IFT52: variants seen among roughly 807,000 people sequenced by gnomAD.
IFT52 encodes intraflagellar transport protein 52 homolog.
In IFT52, 44 loss-of-function variants were observed where a neutral mutation model predicts 54.4. The ratio of observed to expected loss-of-function variants is 0.81; its 90% CI spans 0.63 to 1.04. IFT52 has a LOEUF of 1.04. Ranked by LOEUF, IFT52 falls within the 50% of genes least tolerant of loss-of-function variation. The pLI, the probability that IFT52 is intolerant of heterozygous loss-of-function variation, is 0.00. For synonymous variants in IFT52, 181 were observed against 185.3 expected, an observed-to-expected ratio of 0.98 and a Z score of 0.19; for missense variants, 452 against 523.6, an observed-to-expected ratio of 0.86 and a Z score of 1.33.
chr20:43,619,286 G>A (rs1984091240), intron 8 of IFT52, among the ~76,000 whole-genome samples: 1 of 152,278 alleles, frequency 6.6e-6, no homozygotes, highest in East Asian at 1.9e-4. Context: ...TGGGAGCTGA[G>A]CCTGGAGAAG....
rs10523117 is a variant in IFT52, at chr20:43,641,030, CAAAAAA to C, written c.1121-1430_1121-1425del. ...TGGGTGATAGAGCCAAACCTTGTCT[CAAAAAA>C]AAAAAAAAAAAAAAAAAAGGAAGAA... On this transcript the variant is annotated intron_variant, in intron 12 of 13. Coordinates refer to ENST00000373030, the MANE Select transcript of IFT52 (RefSeq NM_016004.5). Among the ~76,000 whole-genome samples, 348 of 90,360 alleles carry C rather than the reference CAAAAAA, an allele frequency of 3.9e-3. 2 individuals carry two copies. The highest frequency in any genetic ancestry group is 0.011 in the Middle Eastern group (2 of 186). The allele number at this position is 90,360 out of a possible 152,430, so 59.3% of individuals were successfully genotyped here. A position where few individuals can be genotyped will look rare whatever the true frequency, so the allele number is the denominator to read the frequency against.
chr20:43,622,510 G>T (rs1984379901), intron 9 of IFT52, among the ~76,000 whole-genome samples: 1 of 151,744 alleles, frequency 6.6e-6, no homozygotes, highest in African/African-American at 2.4e-5. Context: ...GGCTGAGGCG[G>T]GAGAATGGCA....
chr20:43,596,553 G>C (rs999986204), intron 3 of IFT52, 31 bp downstream of exon 3: 1 of 1,406,130 alleles, frequency 7.1e-7, no homozygotes, highest in African/African-American at 1.4e-5. Context: ...AAGGAATATG[G>C]TGAAATGATT....
intron 13 of IFT52, among the ~76,000 whole-genome samples, chr20:43,643,283 T>C (rs1479827264): frequency 0.075 from 1,730 of 23,128 alleles, 75 homozygotes; most frequent in Admixed American, 0.098. Flanking sequence ...GTCAGGAGTT[T>C]GAGACCAGCC....
intron 7 of IFT52, among the ~76,000 whole-genome samples, chr20:43,615,410 G>C (rs1440610525): frequency 2.0e-5 from 3 of 152,180 alleles, no homozygotes; most frequent in Non-Finnish European, 4.4e-5. Flanking sequence ...GAATTCACCA[G>C]CTGATCTCCT....
rs1357680427 is a variant in IFT52, at chr20:43,591,711, AC to A, written c.-7+659del. Among the ~76,000 whole-genome samples, 11 of 152,258 alleles carry A rather than the reference AC, an allele frequency of 7.2e-5. No individual in the cohort carries two copies. The East Asian group carries it at 1.7e-3, about 24-fold the overall frequency. On this transcript the variant is annotated intron_variant, in intron 1 of 13. Coordinates refer to ENST00000373030, the MANE Select transcript of IFT52 (RefSeq NM_016004.5). The stretch of plus-strand genomic sequence containing the variant: ...TAAGGGAGATTAGCTCTCCAGAACC[AC>A]CAGATATTATAACATAAAGGTATAG...
At chr20:43,636,614 C>T (rs145110443) in intron 11 of IFT52, among the ~76,000 whole-genome samples, 8 of 152,260 alleles carry the variant, frequency 5.3e-5, no homozygotes, top group Admixed American at 1.3e-4. Flanking sequence ...AACATTTACC[C>T]GCATACCATT....
In IFT52 at chr20:43,613,873, T is replaced by C; in HGVS notation, c.509T>C (p.Phe170Ser). The change falls in exon 7 of 14, where the codon TTT (phenylalanine) becomes TCT (serine). Residue 170 changes from phenylalanine (F) to serine (S), a missense_variant. Coordinates refer to ENST00000373030, the MANE Select transcript of IFT52 (RefSeq NM_016004.5). The stretch of plus-strand genomic sequence containing the variant: ...AGGGCTCTCACCTTTGTGTATCCTT[T>C]TGGTGCCACATTGAGTGTCATGAAA... ...NAQALTFVYPFGATLSVMKPA... is the reference protein window; with the variant it reads ...NAQALTFVYPSGATLSVMKPA... 6.2e-7 allele frequency: 1 copy of C among 1,614,124 alleles called. No homozygotes were observed. The highest frequency in any genetic ancestry group is 8.5e-7 in the Non-Finnish European group (1 of 1,179,950).
intron 8 of IFT52, among the ~76,000 whole-genome samples, chr20:43,620,268 A>G (rs924752368): frequency 3.3e-5 from 5 of 152,152 alleles, no homozygotes; most frequent in African/African-American, 7.2e-5. Flanking sequence ...CACAGTAAAT[A>G]GGGATTAATT....
intron 10 of IFT52, among the ~76,000 whole-genome samples, chr20:43,628,806 G>A (rs528376345): frequency 1.3e-5 from 2 of 151,972 alleles, no homozygotes; most frequent in South Asian, 2.1e-4. Context: ...AGCCGAGATC[G>A]CGCCACTGCA....
chr20:43,598,276 G>T (rs1982160470), intron 3 of IFT52, among the ~76,000 whole-genome samples: 1 of 152,184 alleles, frequency 6.6e-6, no homozygotes, highest in Non-Finnish European at 1.5e-5. Flanking sequence ...TAGAAGGGTG[G>T]TGGTTGCCAG....
chr20:43,605,269 A>G, intron 6 of IFT52, 196 bp downstream of exon 6: 1 of 1,314,830 alleles, frequency 7.6e-7, no homozygotes, highest in South Asian at 1.6e-5. Context: ...ATTTAGGCCC[A>G]GCATGGTGGC....
chr20:43,624,104 A>G (rs1984549065), intron 10 of IFT52, 59 bp downstream of exon 10: 5 of 1,555,370 alleles, frequency 3.2e-6, no homozygotes, highest in Non-Finnish European at 4.4e-6. Flanking sequence ...TTGGTTTGGA[A>G]ACATGAACCT....
At chr20:43,614,125 G>A in intron 7 of IFT52, 149 bp downstream of exon 7, 2 of 690,984 alleles carry the variant, frequency 2.9e-6, no homozygotes, top group South Asian at 2.0e-5. Flanking sequence ...TATACATTTT[G>A]CTTATGGGGA....
At chr20:43,608,308 C>T (rs1164406209) in intron 6 of IFT52, among the ~76,000 whole-genome samples, 1 of 152,196 alleles carries the variant, frequency 6.6e-6, no homozygotes, top group African/African-American at 2.4e-5. Context: ...GGTGGTACCA[C>T]TTACAGTCCC....
chr20:43,632,557 G>A (rs192026658), intron 10 of IFT52, among the ~76,000 whole-genome samples: 3 of 152,148 alleles, frequency 2.0e-5, no homozygotes, highest in South Asian at 2.1e-4. Flanking sequence ...CCCTGCACTC[G>A]GCCAGTTCCT....
At chr20:43,622,618 T>C (rs966611148) in intron 9 of IFT52, among the ~76,000 whole-genome samples, 1 of 148,064 alleles carries the variant, frequency 6.8e-6, no homozygotes, top group Non-Finnish European at 1.5e-5. Flanking sequence ...AATAAATTTT[T>C]TATACATATA....
intron 3 of IFT52, among the ~76,000 whole-genome samples, chr20:43,597,889 T>C (rs1389394477): frequency 4.1e-5 from 1 of 24,170 alleles, no homozygotes; most frequent in African/African-American, 1.3e-4. Context: ...TGAGACTCTT[T>C]CAAAAAAAAA....
intron 12 of IFT52, among the ~76,000 whole-genome samples, chr20:43,640,739 G>A (rs760707764): frequency 6.6e-6 from 1 of 152,000 alleles, no homozygotes; most frequent in Non-Finnish European, 1.5e-5. Context: ...ATCAGAGGGA[G>A]AATAAATTAA....
Sources: gnomAD v4.1 joint callset for allele counts (sites outside exome capture counted in the v4.1 genomes callset) on GRCh38, gnomAD v4.1.1 for gene constraint, MANE v1.5 for transcripts, NCBI Gene and HGNC (gene_info 2026-07-23, HGNC 2026-07-21) for gene names.